The following SMAD5 variants were observed in gnomAD, a reference collection of about 807,000 sequenced individuals.
SMAD5 encodes the protein SMAD family member 5.
SMAD5 carries 9 observed loss-of-function variants against 43.1 expected under a neutral mutation model. That is an observed-to-expected ratio of 0.21 (90% confidence interval 0.13 to 0.36). The LOEUF (loss-of-function observed/expected upper bound fraction) is 0.36. SMAD5 is among the 10% of genes least tolerant of loss of function. The pLI is 1.00. For missense variants in SMAD5, 348 were observed against 574.0 expected (o/e 0.61, Z 4.02); for synonymous variants, 190 against 192.4 (o/e 0.99, Z 0.10).
At chr5:136,168,537 A>G (rs971880196) in intron 5 of SMAD5, among the ~76,000 whole-genome samples, 2 of 152,194 alleles carry the variant, frequency 1.3e-5, no homozygotes, top group African/African-American at 4.8e-5. Flanking sequence ...CATTATCAGC[A>G]TCTCTCACCA....
chr5:136,139,719 G>A (rs769008734), intron 1 of SMAD5, among the ~76,000 whole-genome samples: 10 of 152,050 alleles, frequency 6.6e-5, no homozygotes, highest in African/African-American at 9.7e-5. Flanking sequence ...ATTTTGAGAC[G>A]GAGTCTTGTG....
chr5:136,140,968 CAG>C (rs1753060822), intron 1 of SMAD5, among the ~76,000 whole-genome samples: 1 of 151,768 alleles, frequency 6.6e-6, no homozygotes, highest in African/African-American at 2.4e-5. Context: ...GTGCGAGAGA[CAG>C]AAATAAAGTA....
intron 1 of SMAD5, among the ~76,000 whole-genome samples, chr5:136,146,541 A>T (rs578163863): frequency 6.6e-6 from 1 of 151,834 alleles, no homozygotes; most frequent in Non-Finnish European, 1.5e-5. Flanking sequence ...CTTGTGGCTC[A>T]TGCAAATCAG....
At position 136,177,520 on chromosome 5, in the gene SMAD5, G is replaced by A; in HGVS notation, c.*40G>A. 1 of 1,503,450 alleles carries A rather than the reference G, an allele frequency of 6.7e-7. No individual in the cohort carries two copies. The highest frequency in any genetic ancestry group is 2.3e-5 in the East Asian group (1 of 43,218). The allele number at this position is 1,503,450 out of a possible 1,614,324, so 93.1% of individuals were successfully genotyped here. A position where few individuals can be genotyped will look rare whatever the true frequency, so the allele number is the denominator to read the frequency against. On this transcript the variant is annotated 3_prime_UTR_variant, in exon 8 of 8. Coordinates refer to ENST00000545279, the MANE Select transcript of SMAD5 (RefSeq NM_005903.7). ...TTTCAATTATATTGTTAGTGGACTT[G>A]TTTTAATTTTAGAGAAACTTTGAGT...
In SMAD5 at chr5:136,163,278, C is replaced by A; in HGVS notation, c.662C>A (p.Thr221Lys). The A allele has an allele frequency of 1.2e-6, 2 of 1,604,068 alleles. No individual in the cohort carries two copies. The highest frequency in any genetic ancestry group is 1.7e-6 in the Non-Finnish European group (2 of 1,175,316). The change falls in exon 5 of 8, where the codon ACG (threonine) becomes AAG (lysine). Residue 221 changes from threonine to lysine, a missense_variant. By Grantham distance (78) the Thr-to-Lys change is moderately conservative (BLOSUM62 -1). Transcript: ENST00000545279. The part of the protein sequence containing the change: ...PGSPFQLPAD[T>K]PPPAYMPPDD... Reference sequence around the variant, plus strand: ...TTATTTTTTTTCCTCTTAGCTGATACGCCTCCTCCTGCCTATATGCCACCT... The same window carrying A: ...TTATTTTTTTTCCTCTTAGCTGATAAGCCTCCTCCTGCCTATATGCCACCT...
chr5:136,160,860 A>G lies in SMAD5; in HGVS notation c.408A>G (p.Leu136=), dbSNP rs943256234. ...CTTTTGATTTTTGTTTTTCAGTCTT[A>G]CCTCCAGTATTAGTGCCTCGTCATA... ...YHYKRVESPV[L]PPVLVPRHNE... The change falls in exon 4 of 8, where the codon TTA becomes TTG. Residue 136 remains leucine (L), a synonymous_variant. Coordinates refer to ENST00000545279, the MANE Select transcript of SMAD5 (RefSeq NM_005903.7). The G allele has an allele frequency of 8.7e-6, 14 of 1,613,234 alleles. No individual in the cohort carries two copies. Among genetic ancestry groups the G allele is most frequent in the African/African-American group, 2.7e-5 (2 of 74,816 alleles).
At chr5:136,167,682 G>T (rs1018439943) in intron 5 of SMAD5, among the ~76,000 whole-genome samples, 1 of 151,488 alleles carries the variant, frequency 6.6e-6, no homozygotes, top group African/African-American at 2.4e-5. Flanking sequence ...GGAGGCTGAG[G>T]CTGGAGAATC....
At chr5:136,167,748 A>G (rs1030297291) in intron 5 of SMAD5, among the ~76,000 whole-genome samples, 2 of 151,004 alleles carry the variant, frequency 1.3e-5, no homozygotes, top group Non-Finnish European at 2.9e-5. Flanking sequence ...ACTGTGCTCA[A>G]TCATGGATGA....
chr5:136,174,449 T>C lies in SMAD5; in HGVS notation c.1071T>C (p.Ser357=). Reference sequence around the variant, plus strand: ...GTGACAGCAGCATATTTGTACAGAGTAGGAACTGCAACTTTCATCATGGCT... The same window carrying C: ...GTGACAGCAGCATATTTGTACAGAGCAGGAACTGCAACTTTCATCATGGCT... The part of the protein sequence containing the change: ...CLSDSSIFVQ[S]RNCNFHHGFH... The change falls in exon 7 of 8, where the codon AGT becomes AGC. Residue 357 remains serine, a synonymous_variant. Transcript: ENST00000545279. The C allele has an allele frequency of 3.7e-6, 6 of 1,613,802 alleles. No homozygotes were observed. Among genetic ancestry groups the C allele is most frequent in the Non-Finnish European group, 5.1e-6 (6 of 1,179,694 alleles).
At chr5:136,175,984 T>A (rs1412777825) in intron 7 of SMAD5, among the ~76,000 whole-genome samples, 1 of 152,128 alleles carries the variant, frequency 6.6e-6, no homozygotes. Context: ...CTATTTCAAT[T>A]TTTATCTGCA....
At chr5:136,164,135 G>T (rs1450854696) in intron 5 of SMAD5, among the ~76,000 whole-genome samples, 1 of 152,226 alleles carries the variant, frequency 6.6e-6, no homozygotes, top group African/African-American at 2.4e-5. Context: ...TGAGGTTGCA[G>T]TGAGCTGAGA....
intron 1 of SMAD5, among the ~76,000 whole-genome samples, chr5:136,137,017 A>ATTTTTTT (rs60239443): frequency 9.2e-6 from 1 of 108,996 alleles, no homozygotes; most frequent in Non-Finnish European, 1.9e-5. Context: ...TTTAGTTTTG[A>ATTTTTTT]TTTTTTTTTT....
At chr5:136,134,902 A>G (rs1752822380) in intron 1 of SMAD5, 1 of 152,234 alleles carries the variant, frequency 6.6e-6, no homozygotes, top group Non-Finnish European at 1.5e-5. Flanking sequence ...AGCTGAAATA[A>G]GCAAGAAAAG....
In SMAD5 at chr5:136,164,314, C is replaced by T. The variant is rs143006467; in HGVS notation, c.775+923C>T. On this transcript the variant is annotated intron_variant, in intron 5 of 7. Coordinates refer to ENST00000545279, the MANE Select transcript of SMAD5 (RefSeq NM_005903.7). ...TGGTAAGTTTAACTACTTAAGAAAA[C>T]TATAAAACTTCTCTGAAGCGGCAGT... Among the ~76,000 whole-genome samples, 645 of 152,268 alleles carry T rather than the reference C, an allele frequency of 4.2e-3. 10 individuals are homozygous for T. The highest frequency in any genetic ancestry group is 0.014 in the African/African-American group (598 of 41,550).
chr5:136,138,962 G>T (rs1752977753), intron 1 of SMAD5, among the ~76,000 whole-genome samples: 1 of 152,190 alleles, frequency 6.6e-6, no homozygotes, highest in African/African-American at 2.4e-5. Flanking sequence ...TTATTTTCAT[G>T]GGATGATGTG....
In SMAD5 at chr5:136,163,361, C is replaced by A. The variant is rs1277585506; in HGVS notation, c.745C>A (p.Pro249Thr). 6.2e-7 allele frequency: 1 copy of A among 1,607,364 alleles called. No individual in the cohort carries two copies. The highest frequency in any genetic ancestry group is 8.5e-7 in the Non-Finnish European group (1 of 1,174,566). Residue 249 changes from proline to threonine, a missense_variant, in exon 5 of 8, where the codon CCT (proline) becomes ACT (threonine). By Grantham distance (38) the Pro-to-Thr change is conservative. Transcript: ENST00000545279. ...TATGGATACAAGCAATAATATGATT[C>A]CTCAGATTATGCCCAGTATATCCAG... The part of the protein sequence containing the change: ...QPMDTSNNMI[P>T]QIMPSISSRD...
At chr5:136,154,557 T>C (rs538753783) in intron 3 of SMAD5, among the ~76,000 whole-genome samples, 1 of 152,274 alleles carries the variant, frequency 6.6e-6, no homozygotes, top group African/African-American at 2.4e-5. Flanking sequence ...CCAGAGTATT[T>C]CTGATAGCAT....
At chr5:136,138,012 G>A (rs1451925799) in intron 1 of SMAD5, among the ~76,000 whole-genome samples, 1 of 152,152 alleles carries the variant, frequency 6.6e-6, no homozygotes, top group Non-Finnish European at 1.5e-5. Context: ...TACAAAGATT[G>A]ACCAGCTCTG....
chr5:136,139,935 ACCG>A (rs1753017682), intron 1 of SMAD5, among the ~76,000 whole-genome samples: 1 of 151,664 alleles, frequency 6.6e-6, no homozygotes, highest in Non-Finnish European at 1.5e-5. Flanking sequence ...CTAGGCTTGA[ACCG>A]CTGAGCTCAA....
Sources: gnomAD v4.1 joint callset for allele counts (sites outside exome capture counted in the v4.1 genomes callset) on GRCh38, gnomAD v4.1.1 for gene constraint, MANE v1.5 for transcripts, NCBI Gene and HGNC (gene_info 2026-07-23, HGNC 2026-07-21) for gene names.